GRIK2: variants seen among roughly 807,000 people sequenced by gnomAD.
GRIK2 encodes glutamate ionotropic receptor kainate type subunit 2, also known as glutamate receptor ionotropic, kainate 2.
In GRIK2, 32 loss-of-function variants were observed where a neutral mutation model predicts 100.3. The observed-to-expected ratio is 0.32, with a 90% CI of 0.24 to 0.43. The LOEUF (loss-of-function observed/expected upper bound fraction) is 0.43. GRIK2 is among the 20% of genes least tolerant of loss of function. The probability of loss-of-function intolerance (pLI) is 1.00; values close to 1 mark genes in which losing one functional copy is unlikely to be tolerated. For synonymous variants in GRIK2, 417 were observed against 389.4 expected (o/e 1.07, Z -0.83); for missense variants, 843 against 1,114.9 (o/e 0.76, Z 3.47).
intron 9 of GRIK2, 24 bp downstream of exon 9, chr6:101,802,462 T>C (rs1381499258): frequency 9.9e-7 from 1 of 1,012,556 alleles, no homozygotes; most frequent in Admixed American, 2.2e-5. Flanking sequence ...CTTATTTGCT[T>C]TAATTACTAA....
rs565156028 is a variant in GRIK2 at position 101,453,405 on chromosome 6, G to C, written c.115+54013G>C. The stretch of plus-strand genomic sequence containing the variant: ...TTTGAGGGTATTACACTACATTTTG[G>C]GTTGCTGCCAGCATATCCTGAACAA... On this transcript the variant is annotated intron_variant, in intron 2 of 16. Coordinates refer to ENST00000369134, the MANE Select transcript of GRIK2 (RefSeq NM_021956.5). Among the ~76,000 whole-genome samples, 14 of 151,878 alleles carry C rather than the reference G, an allele frequency of 9.2e-5. No individual in the cohort carries two copies. The East Asian group carries it at 2.7e-3, about 29-fold the overall frequency.
chr6:101,607,586 A>T (rs946095654), intron 2 of GRIK2, among the ~76,000 whole-genome samples: 6 of 151,926 alleles, frequency 3.9e-5, no homozygotes, highest in African/African-American at 1.4e-4. Context: ...CTTTCTTGGA[A>T]TCAATTAAGT....
At chr6:101,403,940 A>C (rs1448572904) in intron 2 of GRIK2, among the ~76,000 whole-genome samples, 2 of 152,204 alleles carry the variant, frequency 1.3e-5, no homozygotes, top group Non-Finnish European at 2.9e-5. Context: ...GTTCTCACTT[A>C]CTCTTAAAGC....
At chr6:101,856,992 T>A (rs1483554933) in intron 10 of GRIK2, among the ~76,000 whole-genome samples, 1 of 152,116 alleles carries the variant, frequency 6.6e-6, no homozygotes. Context: ...AGTAAAGGCT[T>A]CTCTTCCTAC....
chr6:101,503,453 A>G (rs1466118647), intron 2 of GRIK2, among the ~76,000 whole-genome samples: 2 of 152,162 alleles, frequency 1.3e-5, no homozygotes. Context: ...ATCCTATCCA[A>G]AGTCATCATT....
chr6:101,756,802 T>C (rs1219156739), intron 7 of GRIK2, among the ~76,000 whole-genome samples: 1 of 152,318 alleles, frequency 6.6e-6, no homozygotes, highest in East Asian at 1.9e-4. Context: ...TAGTTTAAAA[T>C]ACAGAGTTGT....
Position 101,686,148 on chromosome 6 carries a change from A to G in GRIK2, c.778-32A>G, listed in dbSNP as rs756516412. 1.2e-5 allele frequency: 19 copies of G among 1,585,896 alleles called. No homozygotes were observed. The East Asian group carries it at 2.5e-4, about 21-fold the overall frequency. On this transcript the variant is annotated intron_variant, in intron 6 of 16. Coordinates refer to ENST00000369134, the MANE Select transcript of GRIK2 (RefSeq NM_021956.5). ...ACATGCCTGTGAAGATACTCTGTCC[A>G]TAATAACAACACAATAACATTTGTC...
intron 15 of GRIK2, among the ~76,000 whole-genome samples, chr6:102,040,632 G>T (rs148545373): frequency 2.0e-5 from 3 of 151,684 alleles, no homozygotes; most frequent in East Asian, 3.9e-4. Context: ...GTGGAGGTAC[G>T]TTGTTTGTTT....
intron 7 of GRIK2, among the ~76,000 whole-genome samples, chr6:101,796,392 T>C (rs1191029727): frequency 6.6e-6 from 1 of 152,202 alleles, no homozygotes; most frequent in Non-Finnish European, 1.5e-5. Context: ...CTTGTGAGAA[T>C]AAGAGAAACC....
At position 101,638,606 on chromosome 6, in the gene GRIK2, G is replaced by T. The variant is rs184181721; in HGVS notation, c.541+11969G>T. ...ATAGATTAAGAATTTTGAGCTAAAG[G>T]AGCCACGTTTTAGTTTTGATGATGA... On this transcript the variant is annotated intron_variant, in intron 4 of 16. Coordinates refer to ENST00000369134, the MANE Select transcript of GRIK2 (RefSeq NM_021956.5). Among the ~76,000 whole-genome samples the T allele has an allele frequency of 6.6e-5, 10 of 152,116 alleles. No homozygotes were observed. The East Asian group carries it at 1.7e-3, about 27-fold the overall frequency.
rs1294950069 is a variant in GRIK2 at position 101,922,181 on chromosome 6, C to A, written c.1749-2420C>A. Reference sequence around the variant, plus strand: ...ACTCCTTCCTTCCATTCTTTCCTTCCTCTTCAGATTATATAGTCTGAGAAA... The same window carrying A: ...ACTCCTTCCTTCCATTCTTTCCTTCATCTTCAGATTATATAGTCTGAGAAA... On this transcript the variant is annotated intron_variant, in intron 12 of 16. Transcript: ENST00000369134. Among the ~76,000 whole-genome samples the A allele has an allele frequency of 5.4e-5, 8 of 149,040 alleles. No individual in the cohort carries two copies. In the Admixed American group the frequency reaches 5.5e-4, roughly 10 times the overall value.
At chr6:101,508,273 G>A (rs1774121293) in intron 2 of GRIK2, among the ~76,000 whole-genome samples, 1 of 152,124 alleles carries the variant, frequency 6.6e-6, no homozygotes, top group Admixed American at 6.5e-5. Context: ...TATATTGGGT[G>A]TTGCTAAGGT....
chr6:101,587,673 G>A (rs568196229), intron 2 of GRIK2, among the ~76,000 whole-genome samples: 1 of 152,200 alleles, frequency 6.6e-6, no homozygotes, highest in African/African-American at 2.4e-5. Context: ...TGAACAACAG[G>A]TATTAGAAAG....
At chr6:101,652,481 T>G (rs1287890772) in intron 4 of GRIK2, among the ~76,000 whole-genome samples, 2 of 152,242 alleles carry the variant, frequency 1.3e-5, no homozygotes. Context: ...CTATGGTACT[T>G]TGTTATACCA....
chr6:101,589,810 T>C (rs904280410), intron 2 of GRIK2, among the ~76,000 whole-genome samples: 20 of 152,038 alleles, frequency 1.3e-4, no homozygotes, highest in African/African-American at 4.3e-4. Flanking sequence ...AGCTGATAGA[T>C]TAAATATATC....
At chr6:102,041,311 T>C (rs967942001) in intron 15 of GRIK2, among the ~76,000 whole-genome samples, 3 of 151,684 alleles carry the variant, frequency 2.0e-5, no homozygotes, top group African/African-American at 7.3e-5. Context: ...GATTGGATCA[T>C]TTAATTCATT....
At chr6:101,405,463 A>T (rs968586389) in intron 2 of GRIK2, among the ~76,000 whole-genome samples, 4 of 152,168 alleles carry the variant, frequency 2.6e-5, no homozygotes, top group Admixed American at 6.5e-5. Context: ...TAACTGAAAG[A>T]AAATTTGACT....
chr6:101,799,592 A>G, intron 7 of GRIK2, 56 bp from the exon 8 acceptor site: 2 of 1,424,892 alleles, frequency 1.4e-6, no homozygotes, highest in East Asian at 2.3e-5. Flanking sequence ...CAAACCATCT[A>G]CCACAAGTTC....
chr6:101,799,848 GA>G (rs1381249641), intron 8 of GRIK2, 57 bp downstream of exon 8: 2 of 1,400,720 alleles, frequency 1.4e-6, no homozygotes, highest in Admixed American at 1.8e-5. Flanking sequence ...TGAATGAAGT[GA>G]GATTATTGTG....
Sources: allele counts gnomAD v4.1 joint callset (sites outside exome capture counted in the v4.1 genomes callset), GRCh38; gene constraint gnomAD v4.1.1; transcripts MANE v1.5; gene names NCBI Gene and HGNC (gene_info 2026-07-23, HGNC 2026-07-21).